The following TTC6 variants were observed in gnomAD, a reference collection of about 807,000 sequenced individuals.
The protein encoded by TTC6 is tetratricopeptide repeat protein 6.
In TTC6, 172 loss-of-function variants were observed where a neutral mutation model predicts 210.4. That is an observed-to-expected ratio of 0.82 (90% confidence interval 0.72 to 0.93). The LOEUF is 0.93. Ranked by LOEUF, TTC6 falls within the 40% of genes least tolerant of loss-of-function variation. The pLI, the probability that TTC6 is intolerant of heterozygous loss-of-function variation, is 0.00. For missense variants in TTC6, 2,414 were observed against 2,318.1 expected (o/e 1.04, Z -0.85); for synonymous variants, 804 against 819.6 (o/e 0.98, Z 0.32).
intron 14 of TTC6, 33 bp downstream of exon 16, chr14:37,753,268 AT>A: frequency 6.8e-7 from 1 of 1,472,266 alleles, no homozygotes; most frequent in Non-Finnish European, 9.1e-7. Context: ...TTTTAAAATT[AT>A]TACTATTATT....
intron 1 of TTC6, among the ~76,000 whole-genome samples, chr14:37,642,216 G>A (rs575060678): frequency 1.4e-4 from 22 of 152,278 alleles, no homozygotes; most frequent in Non-Finnish European, 3.1e-4. Flanking sequence ...GCACACCTGG[G>A]CCTGAGGAGG....
chr14:37,637,437 T>G (rs1184478780), intron 1 of TTC6, among the ~76,000 whole-genome samples: 2 of 152,096 alleles, frequency 1.3e-5, no homozygotes, highest in African/African-American at 4.8e-5. Context: ...TATCTTGAAT[T>G]TATAAAGAAC....
chr14:37,672,362 C>A lies in TTC6; in HGVS notation c.940-7789C>A, dbSNP rs532838286. 1.8e-3 allele frequency among the ~76,000 whole-genome samples: 267 copies of A among 152,248 alleles called. 3 individuals are homozygous for A. The highest frequency in any genetic ancestry group is 5.9e-3 in the African/African-American group (246 of 41,566). On this transcript the variant is annotated intron_variant, in intron 1 of 30. Coordinates refer to ENST00000553443, the Ensembl canonical transcript of TTC6. ...ATTCCTATTGAACTTGGAGCCTGTA[C>A]ATAATAATTATGCTTGATTAAATTT...
chr14:37,755,704 T>G (rs2095965528), intron 14 of TTC6, among the ~76,000 whole-genome samples: 1 of 152,200 alleles, frequency 6.6e-6, no homozygotes, highest in Admixed American at 6.5e-5. Context: ...TCTGTTCCAT[T>G]GGTCTCTGTA....
At chr14:37,638,025 C>G (rs1464519234) in intron 1 of TTC6, among the ~76,000 whole-genome samples, 3 of 152,166 alleles carry the variant, frequency 2.0e-5, no homozygotes, top group Non-Finnish European at 4.4e-5. Context: ...GCATGAAAAT[C>G]TGAGACAAAT....
intron 14 of TTC6, among the ~76,000 whole-genome samples, chr14:37,769,760 G>T (rs2096011914): frequency 6.6e-6 from 1 of 151,758 alleles, no homozygotes; most frequent in Non-Finnish European, 1.5e-5. Flanking sequence ...CCAGCTCCTG[G>T]ATTCATTAAT....
chr14:37,782,349 TG>T (rs2096057187), intron 14 of TTC6, among the ~76,000 whole-genome samples: 1 of 152,164 alleles, frequency 6.6e-6, no homozygotes, highest in Admixed American at 6.5e-5. Context: ...TCACATCCCT[TG>T]TAAGTTGGAT....
At chr14:37,632,554 AC>A (rs1224197355) in intron 1 of TTC6, among the ~76,000 whole-genome samples, 2 of 152,042 alleles carry the variant, frequency 1.3e-5, no homozygotes, top group East Asian at 1.9e-4. Context: ...GTGTCTGTTT[AC>A]CCCTGCTGGG....
intron 12 of TTC6, among the ~76,000 whole-genome samples, chr14:37,750,069 T>A (rs1308283974): frequency 6.6e-6 from 1 of 152,206 alleles, no homozygotes; most frequent in African/African-American, 2.4e-5. Context: ...TATATTGCAG[T>A]AAGTTGGTTC....
At chr14:37,683,602 G>A (rs972313226) in intron 3 of TTC6, among the ~76,000 whole-genome samples, 1 of 152,002 alleles carries the variant, frequency 6.6e-6, no homozygotes, top group Non-Finnish European at 1.5e-5. Context: ...TTTTATTACA[G>A]TATGTTATAA....
chr14:37,683,112 G>A (rs1381355400), intron 3 of TTC6, 148 bp downstream of exon 5: 18 of 663,118 alleles, frequency 2.7e-5, no homozygotes, highest in African/African-American at 5.5e-5. Flanking sequence ...CCTCAGAAGT[G>A]CAAGTTGCCC....
At chr14:37,622,283 G>A (rs1449686308) in exon 1 of TTC6, 1 of 1,535,034 alleles carries the variant, frequency 6.5e-7, no homozygotes, top group South Asian at 1.2e-5. Context: ...CCCGGACGTC[G>A]AGAAGATACC....
At chr14:37,635,717 G>T (rs976900790) in intron 1 of TTC6, among the ~76,000 whole-genome samples, 2 of 152,058 alleles carry the variant, frequency 1.3e-5, no homozygotes, top group Admixed American at 6.6e-5. Context: ...GGTGGCTCAC[G>T]CCTGTAATCC....
chr14:37,660,875 G>C (rs932572970), intron 1 of TTC6, among the ~76,000 whole-genome samples: 3 of 152,080 alleles, frequency 2.0e-5, no homozygotes, highest in African/African-American at 7.2e-5. Context: ...AATACTGGCC[G>C]TTCTGACTGG....
chr14:37,750,465 A>G (rs2095948445), intron 12 of TTC6, among the ~76,000 whole-genome samples: 1 of 152,246 alleles, frequency 6.6e-6, no homozygotes, highest in Admixed American at 6.5e-5. Flanking sequence ...AAGGATTACG[A>G]AAAAACATTT....
chr14:37,797,257 C>A (rs567498892), intron 20 of TTC6, among the ~76,000 whole-genome samples: 1 of 151,924 alleles, frequency 6.6e-6, no homozygotes, highest in African/African-American at 2.4e-5. Context: ...TTTCATAGGG[C>A]GGTACCAATT....
intron 14 of TTC6, among the ~76,000 whole-genome samples, chr14:37,781,162 G>T (rs2096053727): frequency 1.3e-5 from 2 of 152,136 alleles, no homozygotes; most frequent in African/African-American, 4.8e-5. Context: ...GATTGCTGGA[G>T]CAAATGGTAT....
chr14:37,796,881 G>T (rs752434221), exon 20 of TTC6: 1 of 1,610,918 alleles, frequency 6.2e-7, no homozygotes, highest in East Asian at 2.2e-5. Context: ...GAATCAGCTG[G>T]AATAGAGCTG....
intron 7 of TTC6, among the ~76,000 whole-genome samples, chr14:37,728,090 G>C (rs2095877322): frequency 6.6e-6 from 1 of 151,780 alleles, no homozygotes; most frequent in Admixed American, 6.6e-5. Context: ...AGTTTTTTTT[G>C]TTTGCCAAGT....
Sources: gnomAD v4.1 joint callset for allele counts (sites outside exome capture counted in the v4.1 genomes callset) on GRCh38, gnomAD v4.1.1 for gene constraint, MANE v1.5 for transcripts, NCBI Gene and HGNC (gene_info 2026-07-23, HGNC 2026-07-21) for gene names.